Variants in CLASP1 observed in about 807,000 individuals in gnomAD.
CLASP1 encodes CLIP-associating protein 1.
In CLASP1, 38 loss-of-function variants were observed where a neutral mutation model predicts 192.3. The ratio of observed to expected loss-of-function variants is 0.20; its 90% CI spans 0.15 to 0.26. CLASP1 has a LOEUF of 0.26. Ranked by LOEUF, CLASP1 falls within the 10% of genes least tolerant of loss-of-function variation. CLASP1 has a pLI of 1.00. For synonymous variants in CLASP1, 691 were observed against 712.8 expected (o/e 0.97, Z 0.49); for missense variants, 1,433 against 1,932.5 (o/e 0.74, Z 4.85).
intron 37 of CLASP1, among the ~76,000 whole-genome samples, chr2:121,354,802 A>G (rs1334729520): frequency 6.6e-6 from 1 of 152,012 alleles, no homozygotes; most frequent in Non-Finnish European, 1.5e-5. Flanking sequence ...GGGTGGAAAG[A>G]ACACGGCTCT....
At chr2:121,338,156 GATAA>G (rs1322146603) in exon 40 of CLASP1, 1 of 152,348 alleles carries the variant, frequency 6.6e-6, no homozygotes, top group East Asian at 1.9e-4. Flanking sequence ...CATTACGCTT[GATAA>G]ATAAAGGGTG....
Position 121,377,663 on chromosome 2 carries a change from A to G in CLASP1, c.3492-14T>C, listed in dbSNP as rs1299518595. 1.3e-6 allele frequency: 2 copies of G among 1,534,644 alleles called. No homozygotes were observed. The highest frequency in any genetic ancestry group is 1.8e-6 in the Non-Finnish European group (2 of 1,138,684). On this transcript the variant is annotated splice_polypyrimidine_tract_variant and intron_variant, in intron 33 of 39. Transcript: ENST00000263710. Reference sequence around the variant, plus strand: ...TAGTCCAGCATGCTAAAGATAAAAAATATTTTATTTCTTAAATCGAGGCAT... The same window carrying G: ...TAGTCCAGCATGCTAAAGATAAAAAGTATTTTATTTCTTAAATCGAGGCAT...
chr2:121,348,441 G>T, intron 38 of CLASP1, 71 bp downstream of exon 39: 2 of 1,361,882 alleles, frequency 1.5e-6, no homozygotes, highest in Non-Finnish European at 2.0e-6. Flanking sequence ...GGAGCACAAA[G>T]CCCTTACATT....
intron 2 of CLASP1, among the ~76,000 whole-genome samples, chr2:121,575,994 T>C (rs771497786): frequency 8.5e-5 from 13 of 152,228 alleles, no homozygotes; most frequent in Non-Finnish European, 1.6e-4. Flanking sequence ...AGCTAACCTT[T>C]GAATCCCTGA....
intron 1 of CLASP1, among the ~76,000 whole-genome samples, chr2:121,631,024 T>C (rs1429239270): frequency 6.6e-6 from 1 of 151,058 alleles, no homozygotes; most frequent in Non-Finnish European, 1.5e-5. Context: ...CCGGGTGTGG[T>C]GGCAGGCGCC....
chr2:121,567,758 G>A (rs1397159834), intron 2 of CLASP1, among the ~76,000 whole-genome samples: 2 of 152,166 alleles, frequency 1.3e-5, no homozygotes, highest in African/African-American at 4.8e-5. Context: ...ATCATGCTAT[G>A]ACTAAGCCAT....
intron 39 of CLASP1, among the ~76,000 whole-genome samples, chr2:121,344,676 C>G (rs965163366): frequency 2.6e-5 from 4 of 152,088 alleles, no homozygotes; most frequent in Non-Finnish European, 4.4e-5. Flanking sequence ...TTCCCATAGG[C>G]CTGTAACACT....
intron 8 of CLASP1, among the ~76,000 whole-genome samples, chr2:121,486,663 G>A (rs1360973739): frequency 6.6e-6 from 1 of 152,268 alleles, no homozygotes; most frequent in East Asian, 1.9e-4. Context: ...AAGTCAGTTG[G>A]AAAAACTTAG....
intron 2 of CLASP1, among the ~76,000 whole-genome samples, chr2:121,544,287 T>G (rs1303778915): frequency 2.0e-5 from 3 of 152,114 alleles, no homozygotes; most frequent in Admixed American, 6.5e-5. Context: ...CATTCCAATC[T>G]CCACAGAGGC....
At chr2:121,417,143 C>T (rs2078735174) in intron 23 of CLASP1, among the ~76,000 whole-genome samples, 1 of 152,176 alleles carries the variant, frequency 6.6e-6, no homozygotes, top group Admixed American at 6.5e-5. Flanking sequence ...GACAGCTAAG[C>T]AGATCCATTT....
At chr2:121,602,092 T>C (rs1042514548) in intron 2 of CLASP1, among the ~76,000 whole-genome samples, 1 of 151,720 alleles carries the variant, frequency 6.6e-6, no homozygotes, top group Middle Eastern at 3.2e-3. Flanking sequence ...TGAAAATCAC[T>C]TGAACCCAGG....
At chr2:121,498,863 A>G (rs1194140284) in intron 8 of CLASP1, among the ~76,000 whole-genome samples, 1 of 152,228 alleles carries the variant, frequency 6.6e-6, no homozygotes, top group Non-Finnish European at 1.5e-5. Context: ...CAATACCACA[A>G]TGAGATACCA....
At chr2:121,557,090 T>C (rs2058629718) in intron 2 of CLASP1, among the ~76,000 whole-genome samples, 1 of 152,206 alleles carries the variant, frequency 6.6e-6, no homozygotes, top group South Asian at 2.1e-4. Flanking sequence ...TTCTCCCTAT[T>C]TTGCAGTGCT....
intron 29 of CLASP1, among the ~76,000 whole-genome samples, 196 bp from the exon 31 acceptor site, chr2:121,397,479 G>A (rs1428364813): frequency 6.6e-6 from 1 of 152,166 alleles, no homozygotes; most frequent in African/African-American, 2.4e-5. Context: ...TTGGGGACAG[G>A]AAGAGGCACA....
chr2:121,550,691 G>A (rs1003014976), intron 2 of CLASP1, among the ~76,000 whole-genome samples: 6 of 152,152 alleles, frequency 3.9e-5, no homozygotes, highest in Non-Finnish European at 5.9e-5. Flanking sequence ...ACTGAGCCAG[G>A]AAGAAACTGA....
chr2:121,614,558 T>C (rs2066151732), intron 1 of CLASP1, among the ~76,000 whole-genome samples: 1 of 152,044 alleles, frequency 6.6e-6, no homozygotes, highest in African/African-American at 2.4e-5. Context: ...TACCAATCAA[T>C]AGGAGGAGCT....
intron 8 of CLASP1, among the ~76,000 whole-genome samples, chr2:121,475,531 C>G (rs746608633): frequency 6.6e-6 from 1 of 152,172 alleles, no homozygotes; most frequent in African/African-American, 2.4e-5. Flanking sequence ...CAGGTTCTAA[C>G]GTTACAGTAT....
intron 2 of CLASP1, among the ~76,000 whole-genome samples, chr2:121,563,573 A>T (rs1559622988): frequency 6.6e-6 from 1 of 152,212 alleles, no homozygotes; most frequent in Non-Finnish European, 1.5e-5. Context: ...TAGAGGTAGG[A>T]TATGGAAATC....
At chr2:121,481,423 A>C (rs1050548722) in intron 8 of CLASP1, among the ~76,000 whole-genome samples, 2 of 152,222 alleles carry the variant, frequency 1.3e-5, no homozygotes, top group African/African-American at 4.8e-5. Flanking sequence ...AACTGATTCC[A>C]AAGGGAAAGT....
Sources: gnomAD v4.1 joint callset for allele counts (sites outside exome capture counted in the v4.1 genomes callset) on GRCh38, gnomAD v4.1.1 for gene constraint, MANE v1.5 for transcripts, NCBI Gene and HGNC (gene_info 2026-07-23, HGNC 2026-07-21) for gene names.